KCTD1: variants seen among roughly 807,000 people sequenced by gnomAD.
KCTD1 encodes the protein potassium channel tetramerization domain containing 1.
In KCTD1, 24 loss-of-function variants were observed where a neutral mutation model predicts 66.0. The observed-to-expected ratio is 0.36, with a 90% CI of 0.26 to 0.51. The LOEUF (loss-of-function observed/expected upper bound fraction) is 0.51, where lower values mean the gene tolerates loss of function less well. Ranked by LOEUF, KCTD1 falls within the 20% of genes least tolerant of loss-of-function variation. The pLI, the probability that KCTD1 is intolerant of heterozygous loss-of-function variation, is 0.95. For missense variants in KCTD1, 943 were observed against 1,205.2 expected (o/e 0.78, Z 3.22); for synonymous variants, 511 against 517.2 (o/e 0.99, Z 0.16).
intron 1 of KCTD1, among the ~76,000 whole-genome samples, chr18:26,558,720 G>A (rs920735474): frequency 2.6e-5 from 4 of 152,038 alleles, no homozygotes; most frequent in African/African-American, 7.2e-5. Flanking sequence ...TCAAGAGATC[G>A]AGACCATCCT....
At chr18:26,530,395 G>A (rs964612176) in intron 1 of KCTD1, among the ~76,000 whole-genome samples, 1 of 152,206 alleles carries the variant, frequency 6.6e-6, no homozygotes, top group African/African-American at 2.4e-5. Flanking sequence ...GAAAAGATGA[G>A]TAGGCTTGAG....
At chr18:26,534,648 AG>A (rs1427100144) in intron 1 of KCTD1, among the ~76,000 whole-genome samples, 1 of 152,204 alleles carries the variant, frequency 6.6e-6, no homozygotes, top group Non-Finnish European at 1.5e-5. Flanking sequence ...TCATTTATTC[AG>A]CACTTACTAT....
chr18:26,637,814 G>A (rs1987755221), intron 1 of KCTD1, among the ~76,000 whole-genome samples: 1 of 152,226 alleles, frequency 6.6e-6, no homozygotes, highest in African/African-American at 2.4e-5. Context: ...CCTTGAGAAA[G>A]TTATGTGCCT....
intron 3 of KCTD1, among the ~76,000 whole-genome samples, chr18:26,474,734 G>T (rs543646352): frequency 7.2e-5 from 11 of 152,128 alleles, no homozygotes; most frequent in African/African-American, 2.2e-4. Flanking sequence ...TCTGACACTT[G>T]TCTTGTATTT....
chr18:26,485,315 C>T (rs961409501), intron 2 of KCTD1, among the ~76,000 whole-genome samples: 4 of 152,164 alleles, frequency 2.6e-5, no homozygotes, highest in Non-Finnish European at 4.4e-5. Flanking sequence ...GAATTCACAA[C>T]CAGGCAGCTG....
At chr18:26,614,520 T>C (rs693535) in intron 1 of KCTD1, among the ~76,000 whole-genome samples, 89,442 of 152,004 alleles carry the variant, frequency 0.59, 27,083 homozygotes, top group African/African-American at 0.74. Context: ...GGATGAATCG[T>C]TCAGCCTCAC....
chr18:26,525,432 C>T (rs1984110481), intron 1 of KCTD1, among the ~76,000 whole-genome samples: 1 of 152,168 alleles, frequency 6.6e-6, no homozygotes, highest in Admixed American at 6.5e-5. Flanking sequence ...TTCCCCACAG[C>T]CTCCAGTGAG....
intron 1 of KCTD1, among the ~76,000 whole-genome samples, chr18:26,639,875 C>G (rs1428592741): frequency 6.6e-6 from 1 of 152,184 alleles, no homozygotes; most frequent in Non-Finnish European, 1.5e-5. Context: ...CACACTGCTG[C>G]TTGGGGATCA....
chr18:26,507,786 T>C (rs1021713300), intron 1 of KCTD1, among the ~76,000 whole-genome samples: 1 of 152,112 alleles, frequency 6.6e-6, no homozygotes, highest in African/African-American at 2.4e-5. Context: ...GGGCACGTAC[T>C]GTATGATTGT....
chr18:26,638,709 C>T (rs1303862984), intron 1 of KCTD1, among the ~76,000 whole-genome samples: 2 of 152,250 alleles, frequency 1.3e-5, no homozygotes, highest in African/African-American at 2.4e-5. Context: ...TTGGTGCTGT[C>T]TTCAACAGCC....
chr18:26,494,363 C>A (rs887211077), intron 2 of KCTD1, among the ~76,000 whole-genome samples: 15 of 152,188 alleles, frequency 9.9e-5, no homozygotes, highest in African/African-American at 3.6e-4. Context: ...AGAGCAAGAC[C>A]CTGTCTCAAA....
chr18:26,547,133 G>A lies in KCTD1; in HGVS notation c.1404C>T (p.Gly468=), dbSNP rs746751822. Residue 468 remains glycine (G), a synonymous_variant, in exon 1 of 5, where the codon GGC becomes GGT. Transcript: ENST00000580059. ...GCGGGGCGGGCGAGCCCAGCTTGGT[G>A]CCAATGCCCGCGATGCTGTTGAGCG... is the stretch of plus-strand genomic sequence containing the variant. ...IATLNSIAGI[G]TKLGSPAPQG... The A allele has an allele frequency of 1.7e-5, 26 of 1,550,630 alleles. 1 individual carries two copies. The South Asian group carries it at 3.1e-4, about 18-fold the overall frequency.
At chr18:26,588,467 C>G (rs1568001861) in intron 1 of KCTD1, among the ~76,000 whole-genome samples, 1 of 152,176 alleles carries the variant, frequency 6.6e-6, no homozygotes, top group African/African-American at 2.4e-5. Context: ...AATTTGTACT[C>G]TGTGGAAAAT....
intron 1 of KCTD1, among the ~76,000 whole-genome samples, chr18:26,554,849 C>T (rs1985668007): frequency 6.6e-6 from 1 of 152,258 alleles, no homozygotes; most frequent in South Asian, 2.1e-4. Flanking sequence ...AGTGTACCAT[C>T]TCTCATTGTT....
intron 1 of KCTD1, among the ~76,000 whole-genome samples, chr18:26,534,369 AG>A (rs1984589755): frequency 6.6e-6 from 1 of 152,040 alleles, no homozygotes; most frequent in African/African-American, 2.4e-5. Flanking sequence ...TCTAAACTTT[AG>A]TTTTTATTAT....
intron 1 of KCTD1, among the ~76,000 whole-genome samples, chr18:26,592,232 AG>A (rs1216189192): frequency 6.6e-6 from 1 of 152,264 alleles, no homozygotes; most frequent in Non-Finnish European, 1.5e-5. Flanking sequence ...TGATACAAAA[AG>A]TTAGAAACAG....
chr18:26,627,148 T>C lies in KCTD1; in HGVS notation c.-16+1999A>G, dbSNP rs150160081. 6.6e-5 allele frequency among the ~76,000 whole-genome samples: 10 copies of C among 152,258 alleles called. No homozygotes were observed. In the East Asian group the frequency reaches 1.5e-3, roughly 24 times the overall value. On this transcript the variant is annotated intron_variant, in intron 1 of 4. Coordinates refer to the KCTD1 transcript ENST00000317932. ...TCTCCCCTCCTTTGCACCTGGAAAC[T>C]GGAAATTGGAAAGTAGCTCCCATGT...
intron 1 of KCTD1, among the ~76,000 whole-genome samples, chr18:26,541,318 C>A (rs1984962896): frequency 6.6e-6 from 1 of 152,176 alleles, no homozygotes; most frequent in Non-Finnish European, 1.5e-5. Context: ...CCAAAGCACA[C>A]TACGTACATG....
At chr18:26,496,434 G>T (rs972812086) in intron 2 of KCTD1, among the ~76,000 whole-genome samples, 4 of 152,120 alleles carry the variant, frequency 2.6e-5, no homozygotes, top group African/African-American at 9.7e-5. Flanking sequence ...ATGGCAGTCA[G>T]AACTGGAGAC....
Sources: gnomAD v4.1 joint callset for allele counts (sites outside exome capture counted in the v4.1 genomes callset) on GRCh38, gnomAD v4.1.1 for gene constraint, MANE v1.5 for transcripts, NCBI Gene and HGNC (gene_info 2026-07-23, HGNC 2026-07-21) for gene names.